The following AUTS2 variants were observed in gnomAD, a reference collection of about 807,000 sequenced individuals.
AUTS2 encodes the protein activator of transcription and developmental regulator AUTS2.
Under a neutral mutation model 112.4 loss-of-function variants are expected in AUTS2, and 17 were observed. The observed-to-expected ratio is 0.15, with a 90% CI of 0.10 to 0.23. AUTS2 has a LOEUF of 0.23. Among genes scored for constraint, AUTS2 ranks in the 10% least tolerant of loss-of-function variants. The pLI is 1.00. For synonymous variants in AUTS2, 751 were observed against 702.7 expected (o/e 1.07, Z -1.09); for missense variants, 1,510 against 1,701.6 (o/e 0.89, Z 1.98).
intron 3 of AUTS2, among the ~76,000 whole-genome samples, chr7:70,124,509 C>T (rs754021038): frequency 1.3e-5 from 2 of 151,746 alleles, no homozygotes; most frequent in African/African-American, 4.8e-5. Flanking sequence ...TGTCTTTAAT[C>T]CATCTTGAGT....
intron 5 of AUTS2, among the ~76,000 whole-genome samples, chr7:70,494,171 C>G (rs1798358034): frequency 6.6e-6 from 1 of 152,184 alleles, no homozygotes; most frequent in Non-Finnish European, 1.5e-5. Context: ...CCACCAGGAA[C>G]ATTTTAGTTG....
chr7:70,014,898 C>T (rs918927017), intron 2 of AUTS2, among the ~76,000 whole-genome samples: 2 of 152,248 alleles, frequency 1.3e-5, no homozygotes, highest in African/African-American at 2.4e-5. Context: ...CATTTTCAGA[C>T]AAGCTGCTTG....
At chr7:69,622,886 TC>T (rs1648128395) in intron 1 of AUTS2, among the ~76,000 whole-genome samples, 1 of 152,244 alleles carries the variant, frequency 6.6e-6, no homozygotes, top group Non-Finnish European at 1.5e-5. Context: ...TCCTCCCACC[TC>T]AGCCTCCTAA....
chr7:69,681,937 C>T (rs1486274525), intron 1 of AUTS2, among the ~76,000 whole-genome samples: 2 of 152,142 alleles, frequency 1.3e-5, no homozygotes, highest in East Asian at 3.8e-4. Flanking sequence ...TTCAAATCCT[C>T]CATTTACTAG....
intron 2 of AUTS2, among the ~76,000 whole-genome samples, chr7:69,987,396 G>A (rs1798555154): frequency 6.6e-6 from 1 of 152,154 alleles, no homozygotes; most frequent in African/African-American, 2.4e-5. Flanking sequence ...AGATAGTATT[G>A]AATAAATATT....
At chr7:69,628,945 A>G (rs1006238126) in intron 1 of AUTS2, among the ~76,000 whole-genome samples, 15 of 152,184 alleles carry the variant, frequency 9.9e-5, no homozygotes, top group African/African-American at 3.6e-4. Flanking sequence ...TTGACCCAGG[A>G]TCTAAGGTCT....
chr7:70,221,716 G>A (rs116875182), intron 4 of AUTS2, among the ~76,000 whole-genome samples: 1 of 152,090 alleles, frequency 6.6e-6, no homozygotes, highest in Non-Finnish European at 1.5e-5. Context: ...GCGAAACCTC[G>A]CCTCTACTAA....
At chr7:69,635,319 T>A (rs998683075) in intron 1 of AUTS2, among the ~76,000 whole-genome samples, 1 of 152,232 alleles carries the variant, frequency 6.6e-6, no homozygotes, top group African/African-American at 2.4e-5. Context: ...TAGGGCTCAC[T>A]CACCTCTTTT....
At chr7:70,242,040 G>A (rs1250154719) in intron 4 of AUTS2, among the ~76,000 whole-genome samples, 1 of 152,218 alleles carries the variant, frequency 6.6e-6, no homozygotes, top group African/African-American at 2.4e-5. Context: ...CATGTGCAGA[G>A]TGACAGCACA....
At chr7:70,327,405 T>C (rs910553360) in intron 4 of AUTS2, among the ~76,000 whole-genome samples, 1 of 152,172 alleles carries the variant, frequency 6.6e-6, no homozygotes, top group Non-Finnish European at 1.5e-5. Flanking sequence ...GCATGAGTTT[T>C]GTGGGAGCTG....
intron 3 of AUTS2, among the ~76,000 whole-genome samples, chr7:70,129,824 C>A (rs1397876991): frequency 1.3e-5 from 2 of 151,920 alleles, no homozygotes; most frequent in Non-Finnish European, 2.9e-5. Flanking sequence ...ATGCTTTTAT[C>A]AAGTTGTTGC....
chr7:70,372,950 G>T (rs1792907134), intron 4 of AUTS2, among the ~76,000 whole-genome samples: 2 of 152,066 alleles, frequency 1.3e-5, no homozygotes, highest in Non-Finnish European at 2.9e-5. Context: ...AGGTCTGGAA[G>T]TTGTAGTGCA....
intron 2 of AUTS2, among the ~76,000 whole-genome samples, chr7:69,984,430 G>C (rs1022793842): frequency 3.5e-5 from 5 of 142,980 alleles, no homozygotes; most frequent in African/African-American, 1.3e-4. Context: ...AAAAAAAATT[G>C]AGTTCTAAAA....
chr7:70,402,755 A>G (rs562262298), intron 4 of AUTS2, among the ~76,000 whole-genome samples: 1 of 152,122 alleles, frequency 6.6e-6, no homozygotes, highest in Non-Finnish European at 1.5e-5. Context: ...AGGGCAGAAA[A>G]TCATATTTAC....
At chr7:69,622,937 G>T (rs561158029) in intron 1 of AUTS2, among the ~76,000 whole-genome samples, 1 of 152,250 alleles carries the variant, frequency 6.6e-6, no homozygotes, top group Non-Finnish European at 1.5e-5. Context: ...CACCTGGATG[G>T]GTGGATGGAT....
chr7:69,686,832 C>G (rs1797085420), intron 1 of AUTS2, among the ~76,000 whole-genome samples: 1 of 152,188 alleles, frequency 6.6e-6, no homozygotes, highest in African/African-American at 2.4e-5. Flanking sequence ...TCTTAACCCA[C>G]TTAGGTGGGA....
intron 4 of AUTS2, among the ~76,000 whole-genome samples, chr7:70,255,016 A>G (rs1786785673): frequency 2.0e-5 from 3 of 148,626 alleles, no homozygotes; most frequent in African/African-American, 7.5e-5. Context: ...GGTTCCTTTC[A>G]CCCACCTTCA....
intron 4 of AUTS2, among the ~76,000 whole-genome samples, chr7:70,138,763 T>C (rs994356187): frequency 6.6e-6 from 1 of 152,216 alleles, no homozygotes; most frequent in African/African-American, 2.4e-5. Context: ...ACGGGATTTG[T>C]ATAATTATTG....
chr7:70,612,915 G>C (rs970095208), intron 5 of AUTS2, among the ~76,000 whole-genome samples: 1 of 152,012 alleles, frequency 6.6e-6, no homozygotes, highest in Non-Finnish European at 1.5e-5. Context: ...GGGCAGTGCT[G>C]GGCAGGCAGT....
Sources: allele counts gnomAD v4.1 joint callset (sites outside exome capture counted in the v4.1 genomes callset), GRCh38; gene constraint gnomAD v4.1.1; transcripts MANE v1.5; gene names NCBI Gene and HGNC (gene_info 2026-07-23, HGNC 2026-07-21).